BCAS3: variants seen among roughly 807,000 people sequenced by gnomAD.
BCAS3 encodes the protein BCAS4/BCAS3 fusion.
A neutral mutation model predicts 116.1 loss-of-function variants in BCAS3; 53 were observed. The ratio of observed to expected loss-of-function variants is 0.46; its 90% CI spans 0.37 to 0.57. BCAS3 has a LOEUF of 0.57. Ranked by LOEUF, BCAS3 falls within the 20% of genes least tolerant of loss-of-function variation. The pLI is 0.00. For synonymous variants in BCAS3, 391 were observed against 408.2 expected (o/e 0.96, Z 0.51); for missense variants, 917 against 1,165.4 (o/e 0.79, Z 3.10).
In BCAS3 at chr17:61,128,944, G is replaced by T. The variant is rs2076188659; in HGVS notation, c.2425+44380G>T. 6.6e-6 allele frequency among the ~76,000 whole-genome samples: 1 copy of T among 152,206 alleles called. No homozygotes were observed. The highest frequency in any genetic ancestry group is 2.4e-5 in the African/African-American group (1 of 41,458). ...ATGTCAGGCCTAAGGTGGAGAGGGG[G>T]ACAGGGCTATATTGAGTTCTCCGCA... On this transcript the variant is annotated intron_variant, in intron 22 of 23. Coordinates refer to ENST00000407086, the MANE Select transcript of BCAS3 (RefSeq NM_017679.5). This position sits in a 1 kb window ranked among gnomAD's most constrained non-coding sequence, Gnocchi z 4.1.
chr17:60,936,635 CT>C (rs1463970492), intron 13 of BCAS3, among the ~76,000 whole-genome samples: 1 of 152,038 alleles, frequency 6.6e-6, no homozygotes, highest in Non-Finnish European at 1.5e-5. Flanking sequence ...TTTCATGTGT[CT>C]TTTGGCTGCA....
At chr17:61,116,725 C>T (rs1418303383) in intron 22 of BCAS3, among the ~76,000 whole-genome samples, 2 of 152,024 alleles carry the variant, frequency 1.3e-5, no homozygotes, top group Non-Finnish European at 2.9e-5. Context: ...GTTTGATTTC[C>T]CCTTTATTAC....
intron 22 of BCAS3, among the ~76,000 whole-genome samples, chr17:61,164,529 C>A (rs988569138): frequency 6.6e-6 from 1 of 152,110 alleles, no homozygotes; most frequent in Non-Finnish European, 1.5e-5. Flanking sequence ...GTTCCACCCC[C>A]ATGAATGAAT....
Position 61,041,980 on chromosome 17 carries a change from A to G in BCAS3, c.2029+1088A>G, listed in dbSNP as rs959655676. On this transcript the variant is annotated intron_variant, in intron 19 of 23. Transcript: ENST00000407086. This position sits in a 1 kb window ranked among gnomAD's most constrained non-coding sequence, Gnocchi z 4.7. ...TAGACATTTAATAAAAAAGTAAAAT[A>G]AAGTGGGGTAGGTGTGTCAGTGGAG... 6.6e-6 allele frequency among the ~76,000 whole-genome samples: 1 copy of G among 152,050 alleles called. No homozygotes were observed. The highest frequency in any genetic ancestry group is 1.5e-5 in the Non-Finnish European group (1 of 67,988).
chr17:61,169,729 A>G (rs968288067), intron 22 of BCAS3, among the ~76,000 whole-genome samples: 4 of 152,210 alleles, frequency 2.6e-5, no homozygotes, highest in Non-Finnish European at 4.4e-5. Context: ...GTGATAAGAT[A>G]ATGTATTGAG....
intron 7 of BCAS3, among the ~76,000 whole-genome samples, chr17:60,824,931 C>T (rs957392544): frequency 8.5e-5 from 13 of 152,048 alleles, no homozygotes; most frequent in Admixed American, 8.5e-4. Flanking sequence ...TTTGGGAGAC[C>T]AAGGCAGGAG....
At chr17:61,167,807 A>T (rs1170478075) in intron 22 of BCAS3, among the ~76,000 whole-genome samples, 1 of 152,162 alleles carries the variant, frequency 6.6e-6, no homozygotes, top group African/African-American at 2.4e-5. Context: ...AGGACATTTC[A>T]TACAAAGGAA....
chr17:60,811,353 C>T lies in BCAS3; in HGVS notation c.476+3277C>T, dbSNP rs902343912. Reference sequence around the variant, plus strand: ...GGTGAGGACTTCAGTCTTGGTGATACCCCAGACAGCAGCAACTCCAGGCAA... The same window carrying T: ...GGTGAGGACTTCAGTCTTGGTGATATCCCAGACAGCAGCAACTCCAGGCAA... On this transcript the variant is annotated intron_variant, in intron 7 of 23. Coordinates refer to ENST00000407086, the MANE Select transcript of BCAS3 (RefSeq NM_017679.5). The T allele has an allele frequency of 7.8e-6, 5 of 645,086 alleles. No individual in the cohort carries two copies. The African/African-American group carries it at 9.0e-5, about 12-fold the overall frequency. 40.0% of individuals were successfully genotyped at this position (645,086 alleles called of 1,614,324 possible).
chr17:60,988,313 T>G (rs894465511), intron 14 of BCAS3, among the ~76,000 whole-genome samples: 1 of 148,368 alleles, frequency 6.7e-6, no homozygotes, highest in African/African-American at 2.5e-5. Flanking sequence ...TTGTCTTTTC[T>G]TTTCTTTCCT....
At chr17:61,193,757 C>CAA (rs59810014) in intron 22 of BCAS3, among the ~76,000 whole-genome samples, 24 of 52,328 alleles carry the variant, frequency 4.6e-4, no homozygotes, top group African/African-American at 7.9e-4. Flanking sequence ...AACTCCATCT[C>CAA]AAAAAAAAAA....
intron 6 of BCAS3, among the ~76,000 whole-genome samples, chr17:60,778,520 C>T (rs1457557724): frequency 1.3e-5 from 2 of 152,152 alleles, no homozygotes; most frequent in African/African-American, 2.4e-5. Context: ...TGATTTGCCA[C>T]AAAGTAGTGG....
intron 23 of BCAS3, among the ~76,000 whole-genome samples, chr17:61,372,250 C>T (rs927524399): frequency 2.0e-5 from 3 of 152,174 alleles, no homozygotes; most frequent in Non-Finnish European, 4.4e-5. Context: ...AAGACAGTGC[C>T]TAGCGCAGTG....
Position 60,962,854 on chromosome 17 carries a change from A to G in BCAS3, c.1221+15502A>G, listed in dbSNP as rs1019318553. On this transcript the variant is annotated intron_variant, in intron 14 of 23. Transcript: ENST00000407086. This position sits in a 1 kb window ranked among gnomAD's most constrained non-coding sequence, Gnocchi z 4.4. ...GACTGTTTCTCCAAAGTTTTCTTTT[A>G]GTGGTTTCATAGTTTGAGGTCTTAG... 6.6e-6 allele frequency among the ~76,000 whole-genome samples: 1 copy of G among 152,064 alleles called. No individual in the cohort carries two copies. Among genetic ancestry groups the G allele is most frequent in the African/African-American group, 2.4e-5 (1 of 41,394 alleles).
chr17:61,143,171 A>G (rs1471923887), intron 22 of BCAS3, among the ~76,000 whole-genome samples: 2 of 152,156 alleles, frequency 1.3e-5, no homozygotes, highest in Non-Finnish European at 2.9e-5. Context: ...ACTTGCTTGC[A>G]TTGTTCTTGT....
rs1389029839 is a variant in BCAS3 at position 61,352,044 on chromosome 17, T to C, written c.2426-16283T>C. ...GCTTTTACTTCTTTACCTATTTTTT[T>C]CCCCAATCTGAGGGATACAAGAAAA... On this transcript the variant is annotated intron_variant, in intron 22 of 23. Transcript: ENST00000407086. The surrounding 1 kb of genome is among the most constrained non-coding windows in gnomAD (Gnocchi z 4.7). Among the ~76,000 whole-genome samples the C allele has an allele frequency of 3.9e-5, 6 of 152,304 alleles. No individual in the cohort carries two copies. In the South Asian group the frequency reaches 1.2e-3, roughly 32 times the overall value.
intron 22 of BCAS3, among the ~76,000 whole-genome samples, chr17:61,195,456 C>T (rs1234285414): frequency 6.6e-6 from 1 of 152,184 alleles, no homozygotes; most frequent in African/African-American, 2.4e-5. Flanking sequence ...ACCTCCTGGG[C>T]TCAGGTGATC....
rs2053308458 is a variant in BCAS3 at position 61,300,107 on chromosome 17, C to T, written c.2426-68220C>T. On this transcript the variant is annotated intron_variant, in intron 22 of 23. Coordinates refer to ENST00000407086, the MANE Select transcript of BCAS3 (RefSeq NM_017679.5). This position sits in a 1 kb window ranked among gnomAD's most constrained non-coding sequence, Gnocchi z 5.1. ...CAGAGCTGTTTAGTACAGTACTAGGCAGAAGGTGCTTTCTCCTCACGTTAC... is the reference window on the plus strand; with the variant it reads ...CAGAGCTGTTTAGTACAGTACTAGGTAGAAGGTGCTTTCTCCTCACGTTAC... Among the ~76,000 whole-genome samples the T allele has an allele frequency of 6.6e-6, 1 of 152,154 alleles. No homozygotes were observed. The highest frequency in any genetic ancestry group is 2.4e-5 in the African/African-American group (1 of 41,432).
intron 5 of BCAS3, among the ~76,000 whole-genome samples, chr17:60,717,999 A>G (rs979216099): frequency 1.3e-5 from 2 of 152,234 alleles, no homozygotes; most frequent in Non-Finnish European, 2.9e-5. Flanking sequence ...AGGAGCACAC[A>G]ATCTAGACAC....
chr17:60,948,377 G>A (rs149607281), intron 14 of BCAS3, among the ~76,000 whole-genome samples: 1 of 152,238 alleles, frequency 6.6e-6, no homozygotes. Flanking sequence ...ACCCACTTCA[G>A]CCTCCCAAAG....
Sources: gnomAD v4.1 joint callset for allele counts (sites outside exome capture counted in the v4.1 genomes callset) on GRCh38, gnomAD v4.1.1 for gene constraint, Gnocchi (gnomAD v3.1) non-coding constraint, MANE v1.5 for transcripts, NCBI Gene and HGNC (gene_info 2026-07-23, HGNC 2026-07-21) for gene names.